The following ARL5B variants were observed in gnomAD, a reference collection of about 807,000 sequenced individuals.
The protein encoded by ARL5B is ADP-ribosylation factor-like protein 5B.
In ARL5B, 10 loss-of-function variants were observed where a neutral mutation model predicts 26.9. The ratio of observed to expected loss-of-function variants is 0.37; its 90% CI spans 0.23 to 0.63. ARL5B has a LOEUF of 0.63. Ranked by LOEUF, ARL5B falls within the 30% of genes least tolerant of loss-of-function variation. ARL5B has a pLI of 0.62. For synonymous variants in ARL5B, 87 were observed against 70.4 expected, an observed-to-expected ratio of 1.24 and a Z score of -1.18; for missense variants, 167 against 213.9, an observed-to-expected ratio of 0.78 and a Z score of 1.37.
In ARL5B at chr10:18,675,198, C is replaced by T. The variant is rs1179240040; in HGVS notation, c.522C>T (p.Ser174=). ...GLCQGLEWMT[S]RIGVR ...GCCAAGGTCTAGAGTGGATGACCTC[C>T]CGGATTGGTGTGAGATAACTTTTTT... Residue 174 remains serine, a synonymous_variant, in exon 6 of 6, where the codon TCC becomes TCT. Coordinates refer to ENST00000377275, the MANE Select transcript of ARL5B (RefSeq NM_178815.5). The T allele has an allele frequency of 1.2e-6, 2 of 1,613,246 alleles. No homozygotes were observed. The highest frequency in any genetic ancestry group is 1.7e-5 in the Admixed American group (1 of 59,980).
rs1421876648 is a variant in ARL5B at position 18,668,552 on chromosome 10, A to G, written c.130A>G (p.Thr44Ala). 6 of 1,614,132 alleles carry G rather than the reference A, an allele frequency of 3.7e-6. No individual in the cohort carries two copies. Among genetic ancestry groups the G allele is most frequent in the East Asian group, 2.2e-5 (1 of 44,870 alleles). ...YQFLMNEVVH[T>A]SPTIGSNVEE... is the part of the protein sequence containing the mutation. ...CAGCTTAATGAATGAAGTGGTTCAT[A>G]CTTCTCCAACCATAGGAAGCAATGT... Residue 44 changes from threonine to alanine, a missense_variant, in exon 3 of 6, where the codon ACT becomes GCT. Transcript: ENST00000377275.
chr10:18,659,479 T>C lies in ARL5B; in HGVS notation c.-159T>C. ...TCCGGTGGGGATTCGTCGCGGCGCCTTCTGAGTGGTCGGGTCGAGGCTTCT... is the reference window on the plus strand; with the variant it reads ...TCCGGTGGGGATTCGTCGCGGCGCCCTCTGAGTGGTCGGGTCGAGGCTTCT... On this transcript the variant is annotated 5_prime_UTR_variant, in exon 1 of 6. Transcript: ENST00000377275. 1.1e-6 allele frequency: 1 copy of C among 941,368 alleles called. No individual in the cohort carries two copies. Among genetic ancestry groups the C allele is most frequent in the East Asian group, 2.9e-5 (1 of 34,170 alleles). The allele number at this position is 941,368 out of a possible 1,614,324, so 58.3% of individuals were successfully genotyped here.
intron 4 of ARL5B, among the ~76,000 whole-genome samples, chr10:18,673,143 A>G (rs777288817): frequency 8.6e-5 from 13 of 151,850 alleles, no homozygotes; most frequent in African/African-American, 1.2e-4. Flanking sequence ...GCTCACTGCA[A>G]CCTCCGCCTC....
rs2059929753 is a variant in ARL5B, at chr10:18,681,007, A to G, written c.*5791A>G. 1 of 152,138 alleles carries G rather than the reference A, an allele frequency of 6.6e-6. No homozygotes were observed. Among genetic ancestry groups the G allele is most frequent in the Admixed American group, 6.6e-5 (1 of 15,256 alleles). The allele number at this position is 152,138 out of a possible 1,614,324, so 9.4% of individuals were successfully genotyped here. ...ATATTCATATATATGTGCATTTCTT[A>G]AGATTTAAATACAAACTGTTGTTAC... On this transcript the variant is annotated 3_prime_UTR_variant, in exon 6 of 6. Transcript: ENST00000377275.
chr10:18,660,156 C>T (rs2131634385), intron 1 of ARL5B, among the ~76,000 whole-genome samples: 1 of 152,202 alleles, frequency 6.6e-6, no homozygotes, highest in South Asian at 2.1e-4. Context: ...GCCTCCTTTC[C>T]TCTAGGACTT....
chr10:18,673,710 A>G lies in ARL5B; in HGVS notation c.340-274A>G, dbSNP rs183755914. ...TGGCAACATACTACCATATTTGCCT[A>G]TTAGAATATTAATTATGTATTTTTG... On this transcript the variant is annotated intron_variant, in intron 4 of 5. Transcript: ENST00000377275. 7.1e-3 allele frequency among the ~76,000 whole-genome samples: 1,076 copies of G among 152,214 alleles called. 5 individuals carry two copies. Among genetic ancestry groups the G allele is most frequent in the Non-Finnish European group, 0.011 (745 of 68,008 alleles).
At position 18,677,665 on chromosome 10, in the gene ARL5B, G is replaced by T. The variant is rs563962119; in HGVS notation, c.*2449G>T. On this transcript the variant is annotated 3_prime_UTR_variant, in exon 6 of 6. Transcript: ENST00000377275. ...GTTCTGACATTCATTGTAAATCAGT[G>T]AACTGTAAGATACTGTCTAAAAAAT... 3 of 152,374 alleles carry T rather than the reference G, an allele frequency of 2.0e-5. No individual in the cohort carries two copies. The East Asian group carries it at 5.8e-4, about 29-fold the overall frequency. The allele number at this position is 152,374 out of a possible 1,614,324, so 9.4% of individuals were successfully genotyped here. A position where few individuals can be genotyped will look rare whatever the true frequency, so the allele number is the denominator to read the frequency against.
intron 2 of ARL5B, 62 bp from the exon 3 acceptor site, chr10:18,668,468 A>G (rs973059450): frequency 1.3e-5 from 21 of 1,572,526 alleles, no homozygotes; most frequent in Non-Finnish European, 1.7e-5. Context: ...AAATACAGAG[A>G]TAAAAGTTGC....
chr10:18,669,250 C>T (rs1295690309), intron 3 of ARL5B, among the ~76,000 whole-genome samples: 1 of 152,188 alleles, frequency 6.6e-6, no homozygotes, highest in Non-Finnish European at 1.5e-5. Context: ...TCTCTCCATT[C>T]ATCTTCACAA....
At chr10:18,674,317 C>T (rs1274758970) in intron 5 of ARL5B, among the ~76,000 whole-genome samples, 182 bp downstream of exon 5, 1 of 152,182 alleles carries the variant, frequency 6.6e-6, no homozygotes, top group Non-Finnish European at 1.5e-5. Flanking sequence ...TCACTGGCAA[C>T]TTAAAAACTT....
intron 5 of ARL5B, among the ~76,000 whole-genome samples, chr10:18,674,932 C>G (rs1239160768): frequency 6.6e-6 from 1 of 152,064 alleles, no homozygotes; most frequent in Admixed American, 6.6e-5. Flanking sequence ...GCAAAACTGG[C>G]AAAGTTGTAT....
In ARL5B at chr10:18,668,588, G is replaced by A; in HGVS notation, c.166G>A (p.Val56Ile). 6.2e-7 allele frequency: 1 copy of A among 1,614,132 alleles called. No individual in the cohort carries two copies. The highest frequency in any genetic ancestry group is 2.2e-5 in the East Asian group (1 of 44,876). ...CATAGGAAGCAATGTTGAAGAAATAGTTGTGAAGAACACTCATTTTCTTAT... is the reference window on the plus strand; with the variant it reads ...CATAGGAAGCAATGTTGAAGAAATAATTGTGAAGAACACTCATTTTCTTAT... ...PTIGSNVEEI[V>I]VKNTHFLMWD... is the part of the protein sequence containing the mutation. Residue 56 changes from valine to isoleucine, a missense_variant, in exon 3 of 6, where the codon GTT (valine) becomes ATT (isoleucine). Physicochemically the swap from Val to Ile is conservative, Grantham distance 29. Coordinates refer to ENST00000377275, the MANE Select transcript of ARL5B (RefSeq NM_178815.5).
intron 3 of ARL5B, among the ~76,000 whole-genome samples, chr10:18,669,817 C>T (rs2059878502): frequency 6.6e-6 from 1 of 151,810 alleles, no homozygotes; most frequent in Non-Finnish European, 1.5e-5. Context: ...ACAGGTGAAA[C>T]CCCGTCTCTA....
In ARL5B at chr10:18,673,010, G is replaced by A. The variant is rs368937987; in HGVS notation, c.339+305G>A. 2.3e-4 allele frequency among the ~76,000 whole-genome samples: 35 copies of A among 151,986 alleles called. 1 individual carries two copies. In the East Asian group the frequency reaches 4.1e-3, roughly 18 times the overall value. On this transcript the variant is annotated intron_variant, in intron 4 of 5. Transcript: ENST00000377275. ...AGATAAGCAAAAGGAAAACTTAAGG[G>A]TCTTTTCCCCAAAAGTTTCAATAAC... is the stretch of plus-strand genomic sequence containing the variant.
intron 1 of ARL5B, among the ~76,000 whole-genome samples, chr10:18,660,644 C>A (rs533268073): frequency 6.6e-6 from 1 of 152,144 alleles, no homozygotes; most frequent in East Asian, 1.9e-4. Flanking sequence ...AATGGAATGG[C>A]TTTAGTTGAC....
chr10:18,675,438 A>G lies in ARL5B; in HGVS notation c.*222A>G, dbSNP rs1012314761. The G allele has an allele frequency of 6.1e-6, 3 of 490,602 alleles. No individual in the cohort carries two copies. The highest frequency in any genetic ancestry group is 3.1e-5 in the East Asian group (1 of 31,814). The allele number at this position is 490,602 out of a possible 1,614,324, so 30.4% of individuals were successfully genotyped here. ...AGTTGGATGAATGTAATGTATAACT[A>G]TGTTTTCAGCAACAATTCTTCTGTT... On this transcript the variant is annotated 3_prime_UTR_variant, in exon 6 of 6. Coordinates refer to ENST00000377275, the MANE Select transcript of ARL5B (RefSeq NM_178815.5).
chr10:18,670,989 G>A (rs2059884523), intron 3 of ARL5B, among the ~76,000 whole-genome samples: 1 of 152,118 alleles, frequency 6.6e-6, no homozygotes, highest in African/African-American at 2.4e-5. Context: ...CCCAAAAGCG[G>A]TAGTATGTCC....
intron 1 of ARL5B, among the ~76,000 whole-genome samples, chr10:18,660,066 T>C (rs950548342): frequency 1.3e-5 from 2 of 152,096 alleles, no homozygotes; most frequent in Non-Finnish European, 2.9e-5. Flanking sequence ...TAGAACTTTT[T>C]TTTTTTTGAG....
intron 3 of ARL5B, among the ~76,000 whole-genome samples, chr10:18,671,775 C>A (rs984313758): frequency 5.3e-5 from 8 of 151,832 alleles, no homozygotes; most frequent in Non-Finnish European, 2.9e-5. Flanking sequence ...AAGCAGTCCT[C>A]CCACCTTAGC....
Sources: allele counts gnomAD v4.1 joint callset (sites outside exome capture counted in the v4.1 genomes callset), GRCh38; gene constraint gnomAD v4.1.1; transcripts MANE v1.5; gene names NCBI Gene and HGNC (gene_info 2026-07-23, HGNC 2026-07-21).